The following CIMIP2C variants were observed in gnomAD, a reference collection of about 807,000 sequenced individuals.
CIMIP2C encodes UPF0573 protein C2orf70.
At chr2:26,577,284 T>C in the CIMIP2C span, among the ~76,000 whole-genome samples, 3 of 152,180 alleles carry the variant, frequency 2.0e-5, no homozygotes, top group African/African-American at 7.2e-5. Context: ...ATAGCAAAGC[T>C]GGTCTGGTGG....
chr2:26,578,748 G>C, the CIMIP2C span: 3 of 470,984 alleles, frequency 6.4e-6, no homozygotes, highest in Non-Finnish European at 1.3e-5. Flanking sequence ...TGGGGAGAGC[G>C]GGACATCTCA....
At chr2:26,570,702 A>T in the CIMIP2C span, among the ~76,000 whole-genome samples, 3 of 152,184 alleles carry the variant, frequency 2.0e-5, no homozygotes, top group Non-Finnish European at 4.4e-5. Context: ...GGCCCCAGAG[A>T]CTGGGAGTAA....
chr2:26,572,811 AG>A, the CIMIP2C span, among the ~76,000 whole-genome samples: 1 of 152,190 alleles, frequency 6.6e-6, no homozygotes, highest in Non-Finnish European at 1.5e-5. Flanking sequence ...GAGGAGGAGA[AG>A]GAGGGAGGGG....
At chr2:26,562,622 C>G in the CIMIP2C span, 3 of 1,582,494 alleles carry the variant, frequency 1.9e-6, no homozygotes, top group Admixed American at 1.8e-5. Flanking sequence ...CATGGCCTCC[C>G]GCAGCGCGGG....
the CIMIP2C span, chr2:26,578,681 G>C: frequency 4.3e-6 from 2 of 463,980 alleles, no homozygotes; most frequent in East Asian, 7.0e-5. Flanking sequence ...CTCTCCTGGG[G>C]ACAGGTATCC....
the CIMIP2C span, among the ~76,000 whole-genome samples, chr2:26,577,310 T>C: frequency 4.6e-5 from 7 of 152,164 alleles, no homozygotes; most frequent in Non-Finnish European, 7.4e-5. Context: ...GTTATTCCCA[T>C]TAGGCAGATG....
the CIMIP2C span, among the ~76,000 whole-genome samples, chr2:26,571,077 G>T: frequency 6.6e-6 from 1 of 152,174 alleles, no homozygotes; most frequent in African/African-American, 2.4e-5. Context: ...GCCCAGCCTT[G>T]TGTGGATCCA....
chr2:26,572,161 C>T, the CIMIP2C span: 1 of 1,534,630 alleles, frequency 6.5e-7, no homozygotes, highest in Non-Finnish European at 8.8e-7. Context: ...AGTAAGTGCA[C>T]CCCCATCTCC....
chr2:26,570,346 C>T, the CIMIP2C span, among the ~76,000 whole-genome samples: 1 of 152,244 alleles, frequency 6.6e-6, no homozygotes, highest in Non-Finnish European at 1.5e-5. Context: ...CAGAGCCACG[C>T]TCCTCTTAAA....
chr2:26,567,575 G>C, the CIMIP2C span, among the ~76,000 whole-genome samples: 1 of 152,194 alleles, frequency 6.6e-6, no homozygotes, highest in African/African-American at 2.4e-5. Context: ...AGAGAGGTCA[G>C]GCCAGGCTTG....
At chr2:26,569,344 G>T in the CIMIP2C span, among the ~76,000 whole-genome samples, 1 of 152,196 alleles carries the variant, frequency 6.6e-6, no homozygotes, top group Non-Finnish European at 1.5e-5. Flanking sequence ...GGATGATGCG[G>T]CTGGAAAGCA....
the CIMIP2C span, among the ~76,000 whole-genome samples, chr2:26,575,381 G>C: frequency 2.4e-3 from 360 of 152,356 alleles, no homozygotes; most frequent in African/African-American, 8.4e-3. Flanking sequence ...GCAGAATGTG[G>C]GAGCCAGAGG....
the CIMIP2C span, chr2:26,578,797 G>A: frequency 4.2e-6 from 2 of 471,230 alleles, no homozygotes; most frequent in Non-Finnish European, 8.8e-6. Context: ...CACTTGCACT[G>A]CTGCTGACAG....
the CIMIP2C span, among the ~76,000 whole-genome samples, chr2:26,576,578 G>T: frequency 1.3e-5 from 2 of 152,170 alleles, no homozygotes; most frequent in Non-Finnish European, 2.9e-5. Context: ...AATAACACAC[G>T]AGCAAAGGCC....
At chr2:26,577,770 T>A in the CIMIP2C span, 1 of 629,670 alleles carries the variant, frequency 1.6e-6, no homozygotes. Flanking sequence ...AGAGTGATGG[T>A]TACAGAGCAA....
chr2:26,563,887 T>C, the CIMIP2C span, among the ~76,000 whole-genome samples: 1 of 152,170 alleles, frequency 6.6e-6, no homozygotes, highest in African/African-American at 2.4e-5. Context: ...ATGCGACCTC[T>C]CTCTGGGCCT....
the CIMIP2C span, chr2:26,578,915 C>A: frequency 6.3e-6 from 3 of 475,434 alleles, no homozygotes; most frequent in Non-Finnish European, 1.3e-5. Context: ...GCACCATCAC[C>A]ATTTCTTAGA....
chr2:26,576,016 C>T, the CIMIP2C span: 8 of 1,614,218 alleles, frequency 5.0e-6, no homozygotes, highest in Non-Finnish European at 6.8e-6. Context: ...GCCACACTCC[C>T]TTCAGCCAAG....
chr2:26,572,898 T>C, the CIMIP2C span, among the ~76,000 whole-genome samples: 1 of 152,172 alleles, frequency 6.6e-6, no homozygotes, highest in African/African-American at 2.4e-5. Context: ...GCCCTCAGGA[T>C]AGAGGAGGCA....
Sources: allele counts gnomAD v4.1 joint callset (sites outside exome capture counted in the v4.1 genomes callset), GRCh38; gene constraint gnomAD v4.1.1; transcripts MANE v1.5; gene names NCBI Gene and HGNC (gene_info 2026-07-23, HGNC 2026-07-21).